The following NUBPL variants were observed in gnomAD, a reference collection of about 807,000 sequenced individuals.
NUBPL encodes the protein NUBP iron-sulfur cluster assembly factor, mitochondrial.
In NUBPL, 31 loss-of-function variants were observed where a neutral mutation model predicts 45.7. That is an observed-to-expected ratio of 0.68 (90% CI 0.51 to 0.92). The LOEUF is 0.92. Among genes scored for constraint, NUBPL ranks in the 40% least tolerant of loss-of-function variants. The pLI, the probability that NUBPL is intolerant of heterozygous loss-of-function variation, is 0.00. For synonymous variants in NUBPL, 144 were observed against 140.9 expected, an observed-to-expected ratio of 1.02 and a Z score of -0.15; for missense variants, 401 against 398.7, an observed-to-expected ratio of 1.01 and a Z score of -0.05.
Position 31,704,131 on chromosome 14 carries a change from T to G in NUBPL, c.513+30557T>G, listed in dbSNP as rs190458850. Among the ~76,000 whole-genome samples, 50 of 152,148 alleles carry G rather than the reference T, an allele frequency of 3.3e-4. No homozygotes were observed. The East Asian group carries it at 9.3e-3, about 28-fold the overall frequency. On this transcript the variant is annotated intron_variant, in intron 6 of 10. Transcript: ENST00000281081. ...GCTTTCTGCTGACAGAGGGGTGGTG[T>G]TGGTTCTGTGAGTATTGGCCTCTTG...
At chr14:31,712,319 C>T (rs992323431) in intron 6 of NUBPL, among the ~76,000 whole-genome samples, 1 of 152,248 alleles carries the variant, frequency 6.6e-6, no homozygotes, top group South Asian at 2.1e-4. Context: ...GATGGCTTCA[C>T]CAATGGTACT....
chr14:31,572,410 A>G (rs896611354), intron 3 of NUBPL, among the ~76,000 whole-genome samples: 1 of 152,102 alleles, frequency 6.6e-6, no homozygotes, highest in East Asian at 1.9e-4. Context: ...AAGTTCTGGG[A>G]TTACCGGCGT....
At chr14:31,580,618 A>C (rs2033836926) in intron 3 of NUBPL, among the ~76,000 whole-genome samples, 1 of 152,194 alleles carries the variant, frequency 6.6e-6, no homozygotes. Flanking sequence ...CCATCTCTAA[A>C]ATATAAAAAA....
intron 6 of NUBPL, among the ~76,000 whole-genome samples, chr14:31,679,927 T>C (rs1399847376): frequency 2.0e-5 from 3 of 152,180 alleles, no homozygotes; most frequent in African/African-American, 7.2e-5. Context: ...TAATGTTTTA[T>C]AGTTTTTAGC....
chr14:31,695,603 C>T (rs568719374), intron 6 of NUBPL, among the ~76,000 whole-genome samples: 64 of 152,184 alleles, frequency 4.2e-4, no homozygotes, highest in African/African-American at 1.5e-3. Flanking sequence ...TTAGTTATTA[C>T]AAGAGTGTAT....
intron 8 of NUBPL, among the ~76,000 whole-genome samples, chr14:31,827,220 A>C (rs952175904): frequency 5.3e-5 from 8 of 152,184 alleles, no homozygotes; most frequent in African/African-American, 1.9e-4. Context: ...TGGGGTTAGA[A>C]GTGAAGTCAG....
chr14:31,636,552 T>A (rs555717754), intron 4 of NUBPL, among the ~76,000 whole-genome samples: 1 of 152,170 alleles, frequency 6.6e-6, no homozygotes, highest in Non-Finnish European at 1.5e-5. Context: ...TAAAATTCTC[T>A]TTTTTGGTTG....
At chr14:31,775,483 A>G (rs778682426) in intron 6 of NUBPL, among the ~76,000 whole-genome samples, 12 of 152,160 alleles carry the variant, frequency 7.9e-5, no homozygotes, top group Admixed American at 1.3e-4. Context: ...ATTAGAGGGT[A>G]ATAATGGTCA....
At chr14:31,586,290 C>A (rs1433818593) in intron 3 of NUBPL, among the ~76,000 whole-genome samples, 1 of 152,102 alleles carries the variant, frequency 6.6e-6, no homozygotes, top group Non-Finnish European at 1.5e-5. Flanking sequence ...GCAAGTGCAG[C>A]AGTTTGTGGG....
chr14:31,628,474 A>G (rs949187753), intron 4 of NUBPL, among the ~76,000 whole-genome samples: 2 of 152,220 alleles, frequency 1.3e-5, no homozygotes, highest in Non-Finnish European at 1.5e-5. Flanking sequence ...GAAGCTGCCA[A>G]ACTCATAGTA....
At chr14:31,770,888 A>G (rs143806425) in intron 6 of NUBPL, among the ~76,000 whole-genome samples, 11 of 152,364 alleles carry the variant, frequency 7.2e-5, no homozygotes, top group African/African-American at 2.4e-4. Flanking sequence ...ATAAAACTGC[A>G]TATAGAGCTA....
At chr14:31,670,482 T>C (rs974374214) in intron 4 of NUBPL, among the ~76,000 whole-genome samples, 4 of 152,222 alleles carry the variant, frequency 2.6e-5, no homozygotes, top group African/African-American at 9.6e-5. Flanking sequence ...TTTAATTAGA[T>C]CCCACTTGTC....
At chr14:31,605,754 T>C (rs980320048) in intron 4 of NUBPL, among the ~76,000 whole-genome samples, 5 of 150,882 alleles carry the variant, frequency 3.3e-5, no homozygotes, top group Non-Finnish European at 7.4e-5. Context: ...CTTCCTTCCT[T>C]CCTCCTTCTC....
intron 10 of NUBPL, among the ~76,000 whole-genome samples, chr14:31,854,677 T>C (rs1165237154): frequency 6.6e-6 from 1 of 152,128 alleles, no homozygotes; most frequent in Admixed American, 6.6e-5. Flanking sequence ...AAGGGTTGAG[T>C]AACTTGCCCA....
At chr14:31,699,281 T>C (rs2037282497) in intron 6 of NUBPL, among the ~76,000 whole-genome samples, 1 of 152,260 alleles carries the variant, frequency 6.6e-6, no homozygotes, top group South Asian at 2.1e-4. Flanking sequence ...GTGTATTAAT[T>C]ATCTGAATGC....
intron 10 of NUBPL, among the ~76,000 whole-genome samples, chr14:31,857,391 C>T (rs554307012): frequency 6.6e-6 from 1 of 152,314 alleles, no homozygotes; most frequent in East Asian, 1.9e-4. Context: ...AGACCTCTGA[C>T]ATGCCCTGGA....
chr14:31,836,163 A>G (rs777727514), intron 8 of NUBPL, among the ~76,000 whole-genome samples: 23 of 152,210 alleles, frequency 1.5e-4, no homozygotes, highest in Non-Finnish European at 2.9e-4. Flanking sequence ...CAATTTTTAA[A>G]AAGTTAAGAA....
chr14:31,588,643 G>A (rs186758723), intron 3 of NUBPL, among the ~76,000 whole-genome samples: 37 of 151,664 alleles, frequency 2.4e-4, no homozygotes, highest in Middle Eastern at 6.8e-3. Context: ...CCGGCTGAGC[G>A]CGGTGGCTCA....
chr14:31,771,920 C>T, intron 6 of NUBPL: 1 of 973,134 alleles, frequency 1.0e-6, no homozygotes, highest in Non-Finnish European at 1.2e-6. Context: ...TTCTTCAGAT[C>T]ATCCCTAGCA....
Sources: gnomAD v4.1 joint callset for allele counts (sites outside exome capture counted in the v4.1 genomes callset) on GRCh38, gnomAD v4.1.1 for gene constraint, MANE v1.5 for transcripts, NCBI Gene and HGNC (gene_info 2026-07-23, HGNC 2026-07-21) for gene names.